TXNDC16: variants seen among roughly 807,000 people sequenced by gnomAD.
TXNDC16 encodes the protein thioredoxin domain containing 16, also known as thioredoxin domain-containing protein 16.
A neutral mutation model predicts 85.6 loss-of-function variants in TXNDC16; 74 were observed. The observed-to-expected ratio is 0.86, with a 90% CI of 0.72 to 1.05. The LOEUF (loss-of-function observed/expected upper bound fraction) is 1.05. Among genes scored for constraint, TXNDC16 ranks in the 50% least tolerant of loss-of-function variants. The probability of loss-of-function intolerance (pLI) is 0.00; values close to 1 mark genes in which losing one functional copy is unlikely to be tolerated. For missense variants in TXNDC16, 959 were observed against 947.0 expected (o/e 1.01, Z -0.17); for synonymous variants, 335 against 326.5 (o/e 1.03, Z -0.28).
intron 16 of TXNDC16, among the ~76,000 whole-genome samples, chr14:52,457,667 G>A (rs1265672149): frequency 2.0e-5 from 3 of 152,126 alleles, no homozygotes; most frequent in African/African-American, 7.2e-5. Flanking sequence ...GCAAGTAGAA[G>A]GGATTCTGTG....
intron 6 of TXNDC16, among the ~76,000 whole-genome samples, chr14:52,524,132 G>C (rs1230696139): frequency 6.6e-6 from 1 of 152,246 alleles, no homozygotes. Context: ...CTATTCAGGA[G>C]AGAACAGCAT....
chr14:52,501,586 A>G (rs1317021723), intron 9 of TXNDC16, among the ~76,000 whole-genome samples: 1 of 152,196 alleles, frequency 6.6e-6, no homozygotes, highest in African/African-American at 2.4e-5. Flanking sequence ...CAGTAGTACT[A>G]TGAGAGAATA....
At position 52,470,056 on chromosome 14, in the gene TXNDC16, A is replaced by T. The variant is rs1443502652; in HGVS notation, c.1599T>A (p.Phe533Leu). ...GCTTACCTGTTTTCATGGTTGGACT[A>T]AATAGTCCCAATACTGACACACTAG... ...LYSSVSVLGLFSPTMKTAKED... is the reference protein window; with the variant it reads ...LYSSVSVLGLLSPTMKTAKED... Residue 533 changes from phenylalanine (F) to leucine (L), a missense_variant, in exon 16 of 21, where the codon TTT becomes TTA. By Grantham distance (22) the Phe-to-Leu change is conservative. Coordinates refer to ENST00000281741, the MANE Select transcript of TXNDC16 (RefSeq NM_020784.3). 1 of 1,610,108 alleles carries T rather than the reference A, an allele frequency of 6.2e-7. No homozygotes were observed. Among genetic ancestry groups the T allele is most frequent in the African/African-American group, 1.3e-5 (1 of 74,804 alleles).
intron 9 of TXNDC16, among the ~76,000 whole-genome samples, chr14:52,498,525 T>G (rs2036585206): frequency 6.6e-6 from 1 of 151,706 alleles, no homozygotes; most frequent in Non-Finnish European, 1.5e-5. Flanking sequence ...ACACTAATAA[T>G]GAGCAATCCA....
chr14:52,499,174 T>C (rs569262483), intron 9 of TXNDC16, among the ~76,000 whole-genome samples: 21 of 152,050 alleles, frequency 1.4e-4, no homozygotes, highest in African/African-American at 4.8e-4. Flanking sequence ...AGTTAACTCA[T>C]AATGGATTAA....
At chr14:52,542,065 CA>C (rs1361578193) in intron 4 of TXNDC16, among the ~76,000 whole-genome samples, 3 of 151,972 alleles carry the variant, frequency 2.0e-5, no homozygotes, top group African/African-American at 7.2e-5. Context: ...TTAGGCAAAA[CA>C]AAACAGAACA....
At chr14:52,547,198 A>G (rs556290337) in intron 1 of TXNDC16, among the ~76,000 whole-genome samples, 1 of 152,360 alleles carries the variant, frequency 6.6e-6, no homozygotes, top group East Asian at 1.9e-4. Context: ...AAAACTGCTC[A>G]GCCACAGAAA....
At chr14:52,542,229 C>T (rs901234624) in intron 4 of TXNDC16, 142 bp downstream of exon 4, 1 of 590,288 alleles carries the variant, frequency 1.7e-6, no homozygotes, top group Non-Finnish European at 2.9e-6. Context: ...TCTTTCTGGG[C>T]TTCTGTTTAT....
rs754440458 is a variant in TXNDC16, at chr14:52,470,679, G to A, written c.1314C>T (p.Gly438=). 3.8e-6 allele frequency: 6 copies of A among 1,589,480 alleles called. No homozygotes were observed. In the Admixed American group the frequency reaches 1.1e-4, roughly 29 times the overall value. The part of the protein sequence containing the change: ...SYIDVAVKLK[G]TSTMLLTRIN... The stretch of plus-strand genomic sequence containing the variant: ...TTCTAGTAAGAAGCATAGTAGATGT[G>A]CCTAAATAAAAGGAAAATGCACATT... The change falls in exon 15 of 21, where the codon GGC becomes GGT. Residue 438 remains glycine (G), a splice_region_variant and synonymous_variant. Transcript: ENST00000281741.
intron 8 of TXNDC16, among the ~76,000 whole-genome samples, chr14:52,511,723 G>T (rs2036960474): frequency 6.6e-6 from 1 of 152,150 alleles, no homozygotes; most frequent in East Asian, 1.9e-4. Flanking sequence ...TGCGGACAAT[G>T]AGATTATCTT....
intron 6 of TXNDC16, among the ~76,000 whole-genome samples, chr14:52,526,022 C>T (rs114977180): frequency 9.1e-4 from 138 of 151,904 alleles, no homozygotes; most frequent in African/African-American, 3.2e-3. Flanking sequence ...ATTTGATTGC[C>T]TTTTTCAAAT....
intron 12 of TXNDC16, among the ~76,000 whole-genome samples, chr14:52,484,373 T>C (rs1041488559): frequency 6.6e-6 from 1 of 152,228 alleles, no homozygotes; most frequent in Admixed American, 6.5e-5. Context: ...AACTAAAGTA[T>C]TGTTTTATAC....
chr14:52,511,378 C>T lies in TXNDC16; in HGVS notation c.618G>A (p.Val206=), dbSNP rs2036951351. Residue 206 remains valine (V), a synonymous_variant, in exon 9 of 21, where the codon GTG becomes GTA. Coordinates refer to ENST00000281741, the MANE Select transcript of TXNDC16 (RefSeq NM_020784.3). ...ALLESIGSED[V]EYAHLYFFHC... ...GAAAAAAGTAGAGATGTGCATATTC[C>T]ACATCCTCAGAGCTACAAATTAAAA... 4 of 1,584,104 alleles carry T rather than the reference C, an allele frequency of 2.5e-6. No homozygotes were observed. In the East Asian group the frequency reaches 9.0e-5, roughly 36 times the overall value.
At chr14:52,479,650 C>T (rs1037073515) in intron 14 of TXNDC16, among the ~76,000 whole-genome samples, 11 of 151,842 alleles carry the variant, frequency 7.2e-5, no homozygotes, top group Non-Finnish European at 1.3e-4. Context: ...AACTACAAAA[C>T]ACTGCTGAAA....
At chr14:52,519,834 T>A (rs1004848551) in intron 6 of TXNDC16, among the ~76,000 whole-genome samples, 2 of 152,232 alleles carry the variant, frequency 1.3e-5, no homozygotes, top group African/African-American at 4.8e-5. Flanking sequence ...CATCGTTGCC[T>A]CAGAGAAGTC....
At chr14:52,507,283 G>C (rs2036834342) in intron 9 of TXNDC16, among the ~76,000 whole-genome samples, 2 of 152,116 alleles carry the variant, frequency 1.3e-5, no homozygotes, top group Non-Finnish European at 2.9e-5. Flanking sequence ...GACAAACAGA[G>C]AGCCAAATCA....
At chr14:52,523,087 T>C (rs2037246130) in intron 6 of TXNDC16, among the ~76,000 whole-genome samples, 1 of 152,178 alleles carries the variant, frequency 6.6e-6, no homozygotes, top group Non-Finnish European at 1.5e-5. Context: ...TTTCAGAATA[T>C]GAGGATCCAT....
chr14:52,481,507 C>T (rs1566551017), intron 14 of TXNDC16, among the ~76,000 whole-genome samples: 1 of 152,112 alleles, frequency 6.6e-6, no homozygotes, highest in Non-Finnish European at 1.5e-5. Flanking sequence ...ATTCATTTAT[C>T]CAACAATTAT....
chr14:52,545,310 T>C (rs1348710527), intron 1 of TXNDC16, among the ~76,000 whole-genome samples: 6 of 152,190 alleles, frequency 3.9e-5, no homozygotes, highest in African/African-American at 7.2e-5. Context: ...TCCTATCTCG[T>C]TGGCCAAACA....
Sources: allele counts gnomAD v4.1 joint callset (sites outside exome capture counted in the v4.1 genomes callset), GRCh38; gene constraint gnomAD v4.1.1; transcripts MANE v1.5; gene names NCBI Gene and HGNC (gene_info 2026-07-23, HGNC 2026-07-21).